The following SMARCC1 variants were observed in gnomAD, a reference collection of about 807,000 sequenced individuals.
SMARCC1 encodes the protein SWI/SNF related BAF chromatin remodeling complex subunit C1.
Under a neutral mutation model 147.4 loss-of-function variants are expected in SMARCC1, and 43 were observed. That is an observed-to-expected ratio of 0.29 (90% CI 0.23 to 0.38). SMARCC1 has a LOEUF of 0.38. Among genes scored for constraint, SMARCC1 ranks in the 10% least tolerant of loss-of-function variants. SMARCC1 has a pLI of 1.00. For missense variants in SMARCC1, 1,119 were observed against 1,381.1 expected (o/e 0.81, Z 3.01); for synonymous variants, 495 against 484.4 (o/e 1.02, Z -0.29).
chr3:47,623,186 A>G (rs1484781778), intron 24 of SMARCC1, among the ~76,000 whole-genome samples: 1 of 150,352 alleles, frequency 6.7e-6, no homozygotes, highest in Non-Finnish European at 1.5e-5. Flanking sequence ...TAAAAAAAAA[A>G]AAAAAACCTA....
intron 2 of SMARCC1, among the ~76,000 whole-genome samples, chr3:47,770,922 A>T (rs1054016071): frequency 7.2e-5 from 11 of 151,912 alleles, no homozygotes; most frequent in East Asian, 3.9e-4. Context: ...TTATTTATTT[A>T]TTTTTTTGAG....
chr3:47,673,414 C>T (rs1576406947), intron 18 of SMARCC1, among the ~76,000 whole-genome samples: 1 of 118,504 alleles, frequency 8.4e-6, no homozygotes, highest in Admixed American at 1.1e-4. Flanking sequence ...GGGGGGCAGG[C>T]CAGTGGCTCA....
intron 8 of SMARCC1, 73 bp from the exon 9 acceptor site, chr3:47,710,881 A>G (rs1418509151): frequency 3.2e-6 from 4 of 1,257,150 alleles, no homozygotes; most frequent in Non-Finnish European, 3.3e-6. Context: ...ATTGAGAAGG[A>G]AACAAGCTGA....
chr3:47,644,510 TTTTG>T (rs1219075263), intron 21 of SMARCC1, among the ~76,000 whole-genome samples: 5 of 152,120 alleles, frequency 3.3e-5, no homozygotes, highest in Admixed American at 6.6e-5. Context: ...GAAAAACTTT[TTTTG>T]TTTGTTTGTT....
At chr3:47,641,210 G>A (rs1478974604) in intron 21 of SMARCC1, among the ~76,000 whole-genome samples, 1 of 152,212 alleles carries the variant, frequency 6.6e-6, no homozygotes, top group Admixed American at 6.5e-5. Context: ...AATTAGGCTG[G>A]CCGTGGTGGC....
intron 2 of SMARCC1, among the ~76,000 whole-genome samples, chr3:47,761,110 G>A (rs909252556): frequency 6.6e-6 from 1 of 150,514 alleles, no homozygotes; most frequent in Non-Finnish European, 1.5e-5. Context: ...TCCAGACTGG[G>A]TAACAGAGCA....
chr3:47,730,158 T>G (rs2034352405), intron 5 of SMARCC1, among the ~76,000 whole-genome samples: 2 of 151,670 alleles, frequency 1.3e-5, no homozygotes, highest in South Asian at 2.1e-4. Context: ...GGGGACAGAG[T>G]GAGACTCCGT....
At chr3:47,716,427 A>C (rs946943121) in intron 7 of SMARCC1, among the ~76,000 whole-genome samples, 2 of 151,232 alleles carry the variant, frequency 1.3e-5, no homozygotes, top group African/African-American at 2.4e-5. Context: ...AAAAAAAAAA[A>C]AAAAAAAAAA....
rs544146391 is a variant in SMARCC1, at chr3:47,686,241, C to T, written c.1264-71G>A. The T allele has an allele frequency of 4.9e-6, 6 of 1,213,404 alleles. No individual in the cohort carries two copies. The Admixed American group carries it at 1.3e-4, about 26-fold the overall frequency. 75.2% of individuals were successfully genotyped at this position (1,213,404 alleles called of 1,614,324 possible). On this transcript the variant is annotated intron_variant, in intron 13 of 27. Coordinates refer to ENST00000254480, the MANE Select transcript of SMARCC1 (RefSeq NM_003074.4). ...AGAGATATATATAACATCTCTTACA[C>T]TTCAGTTGTTAGGTTAAATAAAATG...
At chr3:47,761,059 G>C (rs1179586550) in intron 2 of SMARCC1, among the ~76,000 whole-genome samples, 2 of 152,178 alleles carry the variant, frequency 1.3e-5, no homozygotes, top group African/African-American at 4.8e-5. Context: ...CTTGAACCCG[G>C]GAAGGGGAGG....
chr3:47,644,511 T>G (rs1362033325), intron 21 of SMARCC1, among the ~76,000 whole-genome samples: 1 of 151,976 alleles, frequency 6.6e-6, no homozygotes. Context: ...AAAAACTTTT[T>G]TTGTTTGTTT....
intron 21 of SMARCC1, among the ~76,000 whole-genome samples, chr3:47,657,769 C>T (rs1449987335): frequency 6.6e-6 from 1 of 151,764 alleles, no homozygotes; most frequent in Non-Finnish European, 1.5e-5. Flanking sequence ...GCCAAGATCA[C>T]ACCACTGCAC....
intron 5 of SMARCC1, among the ~76,000 whole-genome samples, chr3:47,735,457 C>A (rs992727784): frequency 2.0e-5 from 3 of 152,080 alleles, no homozygotes; most frequent in Admixed American, 6.6e-5. Context: ...GAATTCAAGA[C>A]CAGCCTGGGA....
intron 3 of SMARCC1, among the ~76,000 whole-genome samples, chr3:47,742,991 C>G (rs1401211473): frequency 1.3e-5 from 2 of 152,148 alleles, no homozygotes; most frequent in Non-Finnish European, 2.9e-5. Flanking sequence ...TCACTAGAGA[C>G]TAAAACAAAG....
intron 9 of SMARCC1, among the ~76,000 whole-genome samples, chr3:47,707,974 T>G (rs1245740774): frequency 6.7e-6 from 1 of 150,046 alleles, no homozygotes; most frequent in Non-Finnish European, 1.5e-5. Flanking sequence ...CTCCATAGCA[T>G]CAAACTGAGA....
Position 47,628,061 on chromosome 3 carries a change from T to A in SMARCC1, c.2647-5720A>T, listed in dbSNP as rs61544536. Among the ~76,000 whole-genome samples the A allele has an allele frequency of 3.9e-3, 587 of 151,882 alleles. 5 individuals carry two copies. Among genetic ancestry groups the A allele is most frequent in the African/African-American group, 0.013 (550 of 41,368 alleles). The stretch of plus-strand genomic sequence containing the variant: ...GCATGTCTCCTATATATATATATAT[T>A]TTTTCTTTCATTGAGCTTCTTAGGT... On this transcript the variant is annotated intron_variant, in intron 24 of 27. Coordinates refer to ENST00000254480, the MANE Select transcript of SMARCC1 (RefSeq NM_003074.4).
At chr3:47,740,126 C>A (rs894506242) in intron 3 of SMARCC1, among the ~76,000 whole-genome samples, 1 of 145,396 alleles carries the variant, frequency 6.9e-6, no homozygotes, top group South Asian at 2.3e-4. Context: ...ACCTCAGTCT[C>A]TCAAAGAGCT....
chr3:47,683,009 G>A (rs950154468), intron 14 of SMARCC1, among the ~76,000 whole-genome samples: 3 of 152,198 alleles, frequency 2.0e-5, no homozygotes, highest in Admixed American at 1.3e-4. Flanking sequence ...TGTATTTACT[G>A]AAAACATCCA....
At chr3:47,638,806 T>A in intron 21 of SMARCC1, 26 bp from the exon 22 acceptor site, 1 of 1,546,082 alleles carries the variant, frequency 6.5e-7, no homozygotes, top group Non-Finnish European at 8.9e-7. Context: ...TAAGAACAAG[T>A]ACTCCAATGT....
Sources: gnomAD v4.1 joint callset for allele counts (sites outside exome capture counted in the v4.1 genomes callset) on GRCh38, gnomAD v4.1.1 for gene constraint, MANE v1.5 for transcripts, NCBI Gene and HGNC (gene_info 2026-07-23, HGNC 2026-07-21) for gene names.